SLC8A1: variants seen among roughly 807,000 people sequenced by gnomAD.
The protein encoded by SLC8A1 is solute carrier family 8 member A1, also known as sodium/calcium exchanger 1.
A neutral mutation model predicts 68.3 loss-of-function variants in SLC8A1; 18 were observed. The observed-to-expected ratio is 0.26, with a 90% CI of 0.18 to 0.39. The LOEUF (loss-of-function observed/expected upper bound fraction) is 0.39. Among genes scored for constraint, SLC8A1 ranks in the 10% least tolerant of loss-of-function variants. SLC8A1 has a pLI of 1.00. For missense variants in SLC8A1, 985 were observed against 1,156.7 expected, an observed-to-expected ratio of 0.85 and a Z score of 2.15; for synonymous variants, 475 against 415.5, an observed-to-expected ratio of 1.14 and a Z score of -1.74.
intron 2 of SLC8A1, among the ~76,000 whole-genome samples, chr2:40,353,417 T>C (rs960785353): frequency 6.6e-6 from 1 of 152,062 alleles, no homozygotes; most frequent in African/African-American, 2.4e-5. Context: ...CTCCGCAGGC[T>C]CTCCAAGGCC....
chr2:40,313,274 A>G (rs950331691), intron 2 of SLC8A1, among the ~76,000 whole-genome samples: 6 of 152,118 alleles, frequency 3.9e-5, no homozygotes, highest in Non-Finnish European at 8.8e-5. Context: ...ATATATAAAT[A>G]GTTCATTCCT....
At chr2:40,289,051 C>G (rs142568630) in intron 2 of SLC8A1, among the ~76,000 whole-genome samples, 1 of 151,518 alleles carries the variant, frequency 6.6e-6, no homozygotes, top group East Asian at 1.9e-4. Context: ...TTCTATAAAC[C>G]ATATTAGTTT....
rs752077658 is a variant in SLC8A1 at position 40,115,340 on chromosome 2, G to A, written c.2727C>T (p.Leu909=). ...GGAGCACAAAGAGGCAGGATGTGAG[G>A]AGCTTGGCAGTCCGGGGCCCACCCA... The change falls in exon 8 of 8, where the codon CTC becomes CTT. Residue 909 remains leucine (L), a synonymous_variant. Transcript: ENST00000406785. 5 of 1,614,182 alleles carry A rather than the reference G, an allele frequency of 3.1e-6. No homozygotes were observed. The East Asian group carries it at 1.1e-4, about 36-fold the overall frequency.
intron 1 of SLC8A1, among the ~76,000 whole-genome samples, chr2:40,431,395 G>A (rs1480428740): frequency 6.6e-6 from 1 of 152,078 alleles, no homozygotes; most frequent in Non-Finnish European, 1.5e-5. Flanking sequence ...ATATACACAT[G>A]ATGAAGGACT....
chr2:40,394,439 G>A (rs1686272164), intron 2 of SLC8A1, among the ~76,000 whole-genome samples: 1 of 151,766 alleles, frequency 6.6e-6, no homozygotes, highest in Admixed American at 6.6e-5. Context: ...TGGTTTTTCT[G>A]TTAGTGTGTG....
intron 1 of SLC8A1, among the ~76,000 whole-genome samples, chr2:40,440,776 T>C (rs1438653069): frequency 6.6e-6 from 1 of 152,154 alleles, no homozygotes; most frequent in Non-Finnish European, 1.5e-5. Flanking sequence ...TGATGGGACA[T>C]CTCAAAATAA....
chr2:40,466,852 T>A (rs1703702843), intron 1 of SLC8A1, among the ~76,000 whole-genome samples: 1 of 151,904 alleles, frequency 6.6e-6, no homozygotes, highest in Non-Finnish European at 1.5e-5. Context: ...TTTATGCACC[T>A]GAAAAACTAT....
intron 1 of SLC8A1, among the ~76,000 whole-genome samples, chr2:40,445,912 G>A (rs1452147241): frequency 6.6e-6 from 1 of 152,104 alleles, no homozygotes; most frequent in Non-Finnish European, 1.5e-5. Context: ...TCTCTAACAC[G>A]GCCCCCAGAG....
At chr2:40,127,513 T>A (rs1354769868) in intron 7 of SLC8A1, among the ~76,000 whole-genome samples, 2 of 152,200 alleles carry the variant, frequency 1.3e-5, no homozygotes, top group Admixed American at 1.3e-4. Context: ...CAGAAGGACA[T>A]TTTCATGATC....
At chr2:40,494,640 A>AATATATATATATATAT (rs34595267) in intron 1 of SLC8A1, among the ~76,000 whole-genome samples, 3 of 92,658 alleles carry the variant, frequency 3.2e-5, no homozygotes, top group East Asian at 3.0e-4. Context: ...CTTAAAGTAT[A>AATATATATATATATAT]ATATATATAT....
At chr2:40,247,237 C>G (rs746624322) in intron 2 of SLC8A1, among the ~76,000 whole-genome samples, 3 of 152,218 alleles carry the variant, frequency 2.0e-5, no homozygotes, top group African/African-American at 7.2e-5. Context: ...GGAGCGATCA[C>G]TATCCCCAGA....
intron 2 of SLC8A1, among the ~76,000 whole-genome samples, chr2:40,329,818 G>A (rs1575453599): frequency 6.6e-6 from 1 of 152,162 alleles, no homozygotes; most frequent in South Asian, 2.1e-4. Flanking sequence ...ATGCTGACTG[G>A]AGTCCTGGCA....
At chr2:40,144,796 T>C (rs1348696445) in intron 6 of SLC8A1, among the ~76,000 whole-genome samples, 1 of 152,116 alleles carries the variant, frequency 6.6e-6, no homozygotes, top group Non-Finnish European at 1.5e-5. Context: ...TATTTAAACA[T>C]TTGTTTAAAA....
At chr2:40,237,427 A>G (rs1433539433) in intron 2 of SLC8A1, among the ~76,000 whole-genome samples, 2 of 152,000 alleles carry the variant, frequency 1.3e-5, no homozygotes, top group Non-Finnish European at 1.5e-5. Context: ...TTCTTCACGT[A>G]GTTCTTGAGC....
At chr2:40,240,979 C>T (rs1409284650) in intron 2 of SLC8A1, among the ~76,000 whole-genome samples, 4 of 152,124 alleles carry the variant, frequency 2.6e-5, no homozygotes, top group African/African-American at 9.7e-5. Context: ...ACTATTCAAC[C>T]CAGCAATCCC....
intron 2 of SLC8A1, among the ~76,000 whole-genome samples, chr2:40,202,513 C>G (rs949614319): frequency 2.0e-5 from 3 of 151,936 alleles, no homozygotes; most frequent in African/African-American, 7.2e-5. Flanking sequence ...CTTTGCATTT[C>G]TGAATAGAAG....
intron 1 of SLC8A1, among the ~76,000 whole-genome samples, chr2:40,447,979 C>T (rs999511530): frequency 6.6e-6 from 1 of 152,216 alleles, no homozygotes; most frequent in Non-Finnish European, 1.5e-5. Flanking sequence ...ACTGTCTACA[C>T]TCTTGGCTGG....
At chr2:40,364,330 AT>A (rs1234509395) in intron 2 of SLC8A1, among the ~76,000 whole-genome samples, 1 of 151,886 alleles carries the variant, frequency 6.6e-6, no homozygotes, top group Non-Finnish European at 1.5e-5. Flanking sequence ...ACTCACTGGA[AT>A]TGTGCAATCA....
rs534569183 is a variant in SLC8A1, at chr2:40,186,278, A to G, written c.1809-8423T>C. ...TTCTCTAGTTCTTTTGTTGGCATTT[A>G]TTTCTTACTACCTACAGGAGATGAT... On this transcript the variant is annotated intron_variant, in intron 2 of 7. Transcript: ENST00000406785. Among the ~76,000 whole-genome samples, 145 of 152,262 alleles carry G rather than the reference A, an allele frequency of 9.5e-4. 1 individual carries two copies. The South Asian group carries it at 0.028, about 29-fold the overall frequency.
Sources: gnomAD v4.1 joint callset for allele counts (sites outside exome capture counted in the v4.1 genomes callset) on GRCh38, gnomAD v4.1.1 for gene constraint, MANE v1.5 for transcripts, NCBI Gene and HGNC (gene_info 2026-07-23, HGNC 2026-07-21) for gene names.